Variants in ARMC2 observed in about 807,000 individuals in gnomAD.
ARMC2 encodes the protein armadillo repeat-containing protein 2.
In ARMC2, 67 loss-of-function variants were observed where a neutral mutation model predicts 90.3. That is an observed-to-expected ratio of 0.74 (90% confidence interval 0.61 to 0.91). The LOEUF is 0.91. Among genes scored for constraint, ARMC2 ranks in the 40% least tolerant of loss-of-function variants. The pLI is 0.00. For missense variants in ARMC2, 920 were observed against 1,030.9 expected, an observed-to-expected ratio of 0.89 and a Z score of 1.47; for synonymous variants, 393 against 393.0, an observed-to-expected ratio of 1.00 and a Z score of 0.00.
chr6:108,895,237 C>T (rs546801766), intron 6 of ARMC2, among the ~76,000 whole-genome samples: 8 of 150,036 alleles, frequency 5.3e-5, no homozygotes, highest in East Asian at 4.0e-4. Flanking sequence ...CTGAGGCAGG[C>T]GGATCACTTG....
intron 10 of ARMC2, among the ~76,000 whole-genome samples, chr6:108,918,085 G>C (rs1463035658): frequency 6.6e-6 from 1 of 152,122 alleles, no homozygotes; most frequent in Non-Finnish European, 1.5e-5. Context: ...CAAAAATACA[G>C]ATTTAGGGTC....
chr6:108,852,602 G>A (rs1439685197), intron 1 of ARMC2, among the ~76,000 whole-genome samples: 2 of 152,110 alleles, frequency 1.3e-5, no homozygotes, highest in Non-Finnish European at 2.9e-5. Flanking sequence ...CTCAAAGATA[G>A]CCAGAGAGAA....
At chr6:109,020,794 T>G in the ARMC2 span, among the ~76,000 whole-genome samples, 1 of 152,236 alleles carries the variant, frequency 6.6e-6, no homozygotes, top group Non-Finnish European at 1.5e-5. Context: ...AACAGTTTTC[T>G]TCATTTTGCT....
chr6:108,910,829 T>C (rs1401653099), intron 8 of ARMC2, 70 bp from the exon 9 acceptor site: 1 of 725,906 alleles, frequency 1.4e-6, no homozygotes, highest in Admixed American at 3.7e-5. Flanking sequence ...AAAATAGATG[T>C]GGTTTATTTT....
intron 13 of ARMC2, among the ~76,000 whole-genome samples, chr6:108,955,803 T>C (rs1012429593): frequency 6.6e-6 from 1 of 152,208 alleles, no homozygotes; most frequent in East Asian, 1.9e-4. Context: ...AGCATGCCCA[T>C]GTCTGCTGAA....
intron 3 of ARMC2, among the ~76,000 whole-genome samples, chr6:108,862,712 A>C (rs114501499): frequency 5.9e-5 from 9 of 152,174 alleles, no homozygotes; most frequent in Admixed American, 4.6e-4. Flanking sequence ...AGAGAGTGGC[A>C]GAGGAGTGTC....
the ARMC2 span, among the ~76,000 whole-genome samples, chr6:109,046,611 C>T: frequency 2.1e-5 from 3 of 141,690 alleles, no homozygotes; most frequent in Non-Finnish European, 3.1e-5. Flanking sequence ...CGTCTGCGCC[C>T]GGCCGCCATC....
At chr6:108,871,034 A>G (rs1776355259) in intron 4 of ARMC2, among the ~76,000 whole-genome samples, 1 of 152,184 alleles carries the variant, frequency 6.6e-6, no homozygotes, top group South Asian at 2.1e-4. Flanking sequence ...TGGCAGCTGA[A>G]TAGGAAGGTG....
the ARMC2 span, among the ~76,000 whole-genome samples, chr6:109,018,381 G>T: frequency 6.6e-6 from 1 of 152,220 alleles, no homozygotes; most frequent in Non-Finnish European, 1.5e-5. Flanking sequence ...ATTAGGAGGG[G>T]TATAGTTTAT....
intron 8 of ARMC2, among the ~76,000 whole-genome samples, chr6:108,904,876 T>C (rs979615781): frequency 1.3e-5 from 2 of 152,178 alleles, no homozygotes; most frequent in Non-Finnish European, 2.9e-5. Flanking sequence ...TAGGAACCAG[T>C]GTGAAACCGA....
At chr6:108,994,536 T>C in the ARMC2 span, 1 of 1,613,684 alleles carries the variant, frequency 6.2e-7, no homozygotes, top group South Asian at 1.1e-5. Context: ...ACTTGCCTCT[T>C]CTTCATCTCG....
At chr6:108,925,537 G>T (rs1190355807) in intron 10 of ARMC2, among the ~76,000 whole-genome samples, 1 of 152,222 alleles carries the variant, frequency 6.6e-6, no homozygotes, top group Non-Finnish European at 1.5e-5. Flanking sequence ...GGGCATATAT[G>T]GTATGAGATG....
intron 11 of ARMC2, among the ~76,000 whole-genome samples, chr6:108,929,528 G>T (rs1385651979): frequency 1.3e-5 from 2 of 152,162 alleles, no homozygotes; most frequent in Non-Finnish European, 2.9e-5. Context: ...AGGCTGGAGT[G>T]CAGTGGGCAC....
chr6:108,976,910 G>A (rs146797170), downstream of ARMC2, among the ~76,000 whole-genome samples: 367 of 152,274 alleles, frequency 2.4e-3, 10 homozygotes, highest in East Asian at 0.062. Context: ...GGGCTGAGAC[G>A]ATGTGGTTTT....
At chr6:109,045,739 A>G in the ARMC2 span, among the ~76,000 whole-genome samples, 3 of 152,172 alleles carry the variant, frequency 2.0e-5, no homozygotes, top group Non-Finnish European at 2.9e-5. Flanking sequence ...ATTCTCTTGC[A>G]TGGCACTTAC....
intron 17 of ARMC2, among the ~76,000 whole-genome samples, chr6:108,966,197 C>A (rs554859447): frequency 3.5e-4 from 52 of 150,500 alleles, no homozygotes; most frequent in African/African-American, 1.2e-3. Context: ...CTCAACTTCT[C>A]TGCAACCTGA....
At chr6:108,962,513 A>G (rs931795606) in intron 15 of ARMC2, among the ~76,000 whole-genome samples, 3 of 152,252 alleles carry the variant, frequency 2.0e-5, no homozygotes, top group African/African-American at 4.8e-5. Flanking sequence ...CAAATTCATT[A>G]TGGTATATTC....
intron 1 of ARMC2, among the ~76,000 whole-genome samples, chr6:108,852,287 A>G (rs1774089495): frequency 6.6e-6 from 1 of 152,252 alleles, no homozygotes; most frequent in Non-Finnish European, 1.5e-5. Context: ...TTTAGTGAAT[A>G]TTAATATATG....
chr6:108,958,434 T>A (rs560613214), intron 13 of ARMC2, among the ~76,000 whole-genome samples: 4 of 152,232 alleles, frequency 2.6e-5, no homozygotes, highest in Non-Finnish European at 5.9e-5. Flanking sequence ...GTGCTGTTTA[T>A]GATAAATGCT....
Sources: allele counts gnomAD v4.1 joint callset (sites outside exome capture counted in the v4.1 genomes callset), GRCh38; gene constraint gnomAD v4.1.1; transcripts MANE v1.5; gene names NCBI Gene and HGNC (gene_info 2026-07-23, HGNC 2026-07-21).